Variants in NMNAT1 observed in about 807,000 individuals in gnomAD.
NMNAT1 encodes nicotinamide/nicotinic acid mononucleotide adenylyltransferase 1.
In NMNAT1, 11 loss-of-function variants were observed where a neutral mutation model predicts 16.7. That is an observed-to-expected ratio of 0.66 (90% CI 0.41 to 1.09). NMNAT1 has a LOEUF of 1.09. Among genes scored for constraint, NMNAT1 ranks in the 50% least tolerant of loss-of-function variants. The pLI is 0.00. For missense variants in NMNAT1, 280 were observed against 332.3 expected, an observed-to-expected ratio of 0.84 and a Z score of 1.22; for synonymous variants, 110 against 119.8, an observed-to-expected ratio of 0.92 and a Z score of 0.53.
Position 9,981,182 on chromosome 1 carries a change from T to C in NMNAT1, c.439+12T>C, listed in dbSNP as rs375887127. 3.7e-6 allele frequency: 6 copies of C among 1,604,692 alleles called. No individual in the cohort carries two copies. Among genetic ancestry groups the C allele is most frequent in the East Asian group, 4.5e-5 (2 of 44,762 alleles). On this transcript the variant is annotated intron_variant, in intron 4 of 4. Transcript: ENST00000377205. The stretch of plus-strand genomic sequence containing the variant: ...GCCAAAAACAAAAGGTTTGTATGTT[T>C]TAGCAGGACCCACGGACTAGAGTTG...
chr1:9,962,202 G>A (rs1468292420), intron 1 of NMNAT1, among the ~76,000 whole-genome samples: 1 of 151,852 alleles, frequency 6.6e-6, no homozygotes, highest in African/African-American at 2.4e-5. Context: ...AACAGCTGCC[G>A]CCGGGCGCGG....
At chr1:9,944,247 C>G (rs112482526) in intron 1 of NMNAT1, among the ~76,000 whole-genome samples, 2 of 151,726 alleles carry the variant, frequency 1.3e-5, no homozygotes, top group Non-Finnish European at 2.9e-5. Flanking sequence ...GTTCGAGACT[C>G]CATCTCAAAA....
At chr1:9,958,019 C>G (rs572105629) in intron 1 of NMNAT1, among the ~76,000 whole-genome samples, 13 of 152,082 alleles carry the variant, frequency 8.5e-5, no homozygotes, top group Non-Finnish European at 1.3e-4. Flanking sequence ...GCTTTCTATA[C>G]CAGAAGAAGT....
chr1:9,970,391 A>G (rs1213202107), intron 1 of NMNAT1, among the ~76,000 whole-genome samples: 1 of 151,870 alleles, frequency 6.6e-6, no homozygotes, highest in African/African-American at 2.4e-5. Flanking sequence ...ATATATATGA[A>G]TTAGTTGAAT....
At chr1:9,986,625 G>C (rs1642048792), downstream of NMNAT1, among the ~76,000 whole-genome samples, 1 of 152,226 alleles carries the variant, frequency 6.6e-6, no homozygotes, top group African/African-American at 2.4e-5. Flanking sequence ...GCTCATGCCT[G>C]TAATCTTAGA....
intron 1 of NMNAT1, among the ~76,000 whole-genome samples, chr1:9,950,383 G>A (rs1355374753): frequency 6.6e-6 from 1 of 152,148 alleles, no homozygotes; most frequent in African/African-American, 2.4e-5. Context: ...GAACCACCAC[G>A]CCTGGCATAA....
chr1:9,946,745 G>T lies in NMNAT1; in HGVS notation c.-57+3230G>T, dbSNP rs1242563765. 2.0e-5 allele frequency among the ~76,000 whole-genome samples: 3 copies of T among 152,058 alleles called. No homozygotes were observed. The East Asian group carries it at 5.8e-4, about 29-fold the overall frequency. On this transcript the variant is annotated intron_variant, in intron 1 of 4. Transcript: ENST00000377205. ...GGTCATAAGTGTGGGGCCCTGATCC[G>T]ATAGGACTAGTGTCCTTATCAGAAG...
chr1:9,988,177 TA>T (rs1010300084), downstream of NMNAT1, among the ~76,000 whole-genome samples: 3 of 152,062 alleles, frequency 2.0e-5, no homozygotes, highest in Admixed American at 6.6e-5. Flanking sequence ...TTTGTATTTT[TA>T]ATAGAGACAG....
At chr1:9,956,689 C>T (rs977884496) in intron 1 of NMNAT1, among the ~76,000 whole-genome samples, 1 of 150,410 alleles carries the variant, frequency 6.6e-6, no homozygotes, top group Admixed American at 6.7e-5. Context: ...TCCCAAAGTG[C>T]TTGGATTACA....
intron 3 of NMNAT1, among the ~76,000 whole-genome samples, chr1:9,980,123 G>T (rs1641908195): frequency 1.3e-5 from 2 of 151,590 alleles, no homozygotes; most frequent in Admixed American, 6.6e-5. Flanking sequence ...CAGAGACAGG[G>T]TTTCTCCATG....
the NMNAT1 span, among the ~76,000 whole-genome samples, chr1:9,991,237 G>A: frequency 8.1e-5 from 12 of 149,066 alleles, no homozygotes; most frequent in African/African-American, 2.7e-4. Flanking sequence ...CCAGGCTGGA[G>A]TGCAATGGTG....
At chr1:9,973,515 G>C (rs1641735225) in intron 2 of NMNAT1, among the ~76,000 whole-genome samples, 1 of 150,496 alleles carries the variant, frequency 6.6e-6, no homozygotes, top group Admixed American at 6.7e-5. Context: ...AGACCATCCT[G>C]GCTAACACGG....
intron 2 of NMNAT1, among the ~76,000 whole-genome samples, chr1:9,973,744 G>T (rs1162372181): frequency 6.7e-6 from 1 of 149,946 alleles, no homozygotes; most frequent in Non-Finnish European, 1.5e-5. Flanking sequence ...GCATGAATAG[G>T]CTGGGCGTGG....
intron 1 of NMNAT1, among the ~76,000 whole-genome samples, chr1:9,955,419 AAAAG>A (rs1557459288): frequency 6.6e-6 from 1 of 150,586 alleles, no homozygotes; most frequent in African/African-American, 2.4e-5. Flanking sequence ...AAAAAAAAAA[AAAAG>A]AAAGAAACCC....
chr1:9,948,762 G>C (rs926000541), intron 1 of NMNAT1, among the ~76,000 whole-genome samples: 1 of 150,986 alleles, frequency 6.6e-6, no homozygotes, highest in Admixed American at 6.6e-5. Flanking sequence ...TGATTCTCCT[G>C]CCTCAGCCTC....
chr1:9,957,802 T>C (rs1415901707), intron 1 of NMNAT1, among the ~76,000 whole-genome samples: 21 of 152,186 alleles, frequency 1.4e-4, no homozygotes, highest in Admixed American at 1.2e-3. Context: ...TTCAGATTTT[T>C]TTTTAGAATT....
intron 1 of NMNAT1, among the ~76,000 whole-genome samples, chr1:9,945,020 G>C (rs1432027975): frequency 6.6e-6 from 1 of 152,146 alleles, no homozygotes; most frequent in Non-Finnish European, 1.5e-5. Flanking sequence ...GATCACTTAA[G>C]GTCAGGAATT....
intron 1 of NMNAT1, among the ~76,000 whole-genome samples, chr1:9,944,431 G>T (rs1431970770): frequency 6.6e-6 from 1 of 152,136 alleles, no homozygotes; most frequent in Non-Finnish European, 1.5e-5. Flanking sequence ...ACTATTTAAT[G>T]ATGTTCTTAG....
chr1:9,946,795 C>G (rs1640991176), intron 1 of NMNAT1, among the ~76,000 whole-genome samples: 1 of 152,002 alleles, frequency 6.6e-6, no homozygotes, highest in Non-Finnish European at 1.5e-5. Context: ...TTGCCCCTTA[C>G]CCTTACATAC....
Sources: allele counts gnomAD v4.1 joint callset (sites outside exome capture counted in the v4.1 genomes callset), GRCh38; gene constraint gnomAD v4.1.1; transcripts MANE v1.5; gene names NCBI Gene and HGNC (gene_info 2026-07-23, HGNC 2026-07-21).